Variants in MICAL2 observed in about 807,000 individuals in gnomAD.
MICAL2 encodes the protein [F-actin]-monooxygenase MICAL2.
In MICAL2, 77 loss-of-function variants were observed where a neutral mutation model predicts 127.3. That is an observed-to-expected ratio of 0.60 (90% confidence interval 0.50 to 0.73). MICAL2 has a LOEUF of 0.73. Ranked by LOEUF, MICAL2 falls within the 30% of genes least tolerant of loss-of-function variation. MICAL2 has a pLI of 0.00. For missense variants in MICAL2, 1,351 were observed against 1,434.4 expected (o/e 0.94, Z 0.94); for synonymous variants, 570 against 551.1 (o/e 1.03, Z -0.48).
At chr11:12,350,095 G>A (rs1939022192) in intron 33 of MICAL2, among the ~76,000 whole-genome samples, 2 of 152,220 alleles carry the variant, frequency 1.3e-5, no homozygotes, top group South Asian at 4.1e-4. Context: ...TATCATGCTG[G>A]CATTAGTGCA....
chr11:12,217,399 G>A (rs1338250437), intron 8 of MICAL2, among the ~76,000 whole-genome samples: 1 of 152,194 alleles, frequency 6.6e-6, no homozygotes, highest in Non-Finnish European at 1.5e-5. Flanking sequence ...GTAGACGGAG[G>A]CTGTGAATGC....
At chr11:12,294,086 A>G (rs753349145), downstream of MICAL2, 1 of 1,614,140 alleles carries the variant, frequency 6.2e-7, no homozygotes, top group Non-Finnish European at 8.5e-7. Context: ...TGAGAATGGT[A>G]GAGGAGGCCG....
At chr11:12,195,334 G>A (rs1004384478) in intron 3 of MICAL2, among the ~76,000 whole-genome samples, 1 of 152,170 alleles carries the variant, frequency 6.6e-6, no homozygotes, top group African/African-American at 2.4e-5. Context: ...TGAAATATTT[G>A]GGAGGAAATG....
intron 3 of MICAL2, among the ~76,000 whole-genome samples, chr11:12,190,048 T>C (rs533157471): frequency 2.0e-5 from 3 of 152,350 alleles, no homozygotes; most frequent in African/African-American, 7.2e-5. Context: ...CAAACCACTT[T>C]ATGGTGTAAG....
chr11:12,359,705 G>T (rs1939180823), downstream of MICAL2, among the ~76,000 whole-genome samples: 1 of 152,188 alleles, frequency 6.6e-6, no homozygotes, highest in Non-Finnish European at 1.5e-5. Flanking sequence ...AAGAAGAGAA[G>T]ATTTAATATG....
chr11:12,154,685 T>C (rs1267857073), intron 2 of MICAL2, among the ~76,000 whole-genome samples: 5 of 152,208 alleles, frequency 3.3e-5, no homozygotes, highest in Non-Finnish European at 7.3e-5. Flanking sequence ...TTCCCATGGA[T>C]TAAATGTCTT....
intron 3 of MICAL2, among the ~76,000 whole-genome samples, chr11:12,184,443 G>A (rs1857902076): frequency 6.6e-6 from 1 of 152,220 alleles, no homozygotes; most frequent in Non-Finnish European, 1.5e-5. Flanking sequence ...CGAAAATGTG[G>A]TAGTCAGCTG....
intron 1 of MICAL2, among the ~76,000 whole-genome samples, chr11:12,132,272 A>G (rs7924845): frequency 0.25 from 38,589 of 152,052 alleles, 4,936 homozygotes; most frequent in South Asian, 0.39. Context: ...GCAGGAGTGC[A>G]GGAAATGCGA....
chr11:12,216,917 TG>T (rs1856233810), intron 8 of MICAL2, among the ~76,000 whole-genome samples: 1 of 152,226 alleles, frequency 6.6e-6, no homozygotes, highest in African/African-American at 2.4e-5. Flanking sequence ...ATAGAGCACC[TG>T]GCACAGTGCC....
intron 29 of MICAL2, among the ~76,000 whole-genome samples, chr11:12,298,253 G>A (rs964944323): frequency 5.3e-5 from 8 of 151,736 alleles, no homozygotes; most frequent in Non-Finnish European, 1.0e-4. Flanking sequence ...ATTAGTTTTT[G>A]TTGCTATTGT....
At chr11:12,221,552 C>T (rs1856820160) in intron 9 of MICAL2, 92 bp from the exon 10 acceptor site, 1 of 881,296 alleles carries the variant, frequency 1.1e-6, no homozygotes, top group Non-Finnish European at 1.8e-6. Context: ...GTGCCCTGCA[C>T]AGTCCTGGCA....
At position 12,220,197 on chromosome 11, in the gene MICAL2, C is replaced by T; in HGVS notation, c.949-4C>T. On this transcript the variant is annotated splice_polypyrimidine_tract_variant and splice_region_variant and intron_variant, in intron 8 of 27. Transcript: ENST00000683283. Reference sequence around the variant, plus strand: ...TTGCTGCACCATGTTTTCATCTTCCCCAGGACTACATCGACACAGAGATGC... The same window carrying T: ...TTGCTGCACCATGTTTTCATCTTCCTCAGGACTACATCGACACAGAGATGC... The T allele has an allele frequency of 6.2e-7, 1 of 1,614,004 alleles. No homozygotes were observed. Among genetic ancestry groups the T allele is most frequent in the Non-Finnish European group, 8.5e-7 (1 of 1,179,952 alleles).
exon 3 of MICAL2, chr11:12,287,308 A>T: frequency 2.5e-6 from 1 of 393,082 alleles, no homozygotes; most frequent in Non-Finnish European, 4.5e-6. Flanking sequence ...ATAAAATATA[A>T]GCTTGACTTT....
intron 13 of MICAL2, 152 bp from the exon 14 acceptor site, chr11:12,226,019 G>T: frequency 1.4e-6 from 1 of 691,064 alleles, no homozygotes; most frequent in South Asian, 1.7e-5. Context: ...GTGAGAACTG[G>T]GAGTAGGGGC....
chr11:12,232,397 G>A (rs1353777160), intron 15 of MICAL2, among the ~76,000 whole-genome samples: 1 of 152,194 alleles, frequency 6.6e-6, no homozygotes, highest in Non-Finnish European at 1.5e-5. Flanking sequence ...GGTGGTAAAT[G>A]TCAAAGCCAG....
At chr11:12,284,924 G>A (rs753888334) in intron 2 of MICAL2, among the ~76,000 whole-genome samples, 19 of 152,170 alleles carry the variant, frequency 1.2e-4, no homozygotes, top group Non-Finnish European at 2.6e-4. Flanking sequence ...GGTTCTCCTT[G>A]CCTGCTGCCT....
At chr11:12,207,810 A>G (rs1854919420) in intron 4 of MICAL2, 15 of 493,796 alleles carry the variant, frequency 3.0e-5, no homozygotes, top group Middle Eastern at 5.3e-4. Flanking sequence ...TTTCTCATCT[A>G]CAGAATGAGA....
chr11:12,254,561 G>A (rs1028030236), intron 22 of MICAL2: 6 of 152,416 alleles, frequency 3.9e-5, no homozygotes, highest in African/African-American at 1.4e-4. Flanking sequence ...TAACTCGCAG[G>A]TTTTTGGGGC....
intron 2 of MICAL2, among the ~76,000 whole-genome samples, chr11:12,148,639 G>C (rs1853223000): frequency 6.6e-6 from 1 of 152,218 alleles, no homozygotes. Context: ...GTATCTACCA[G>C]TGGTGGTTAT....
Sources: gnomAD v4.1 joint callset for allele counts (sites outside exome capture counted in the v4.1 genomes callset) on GRCh38, gnomAD v4.1.1 for gene constraint, MANE v1.5 for transcripts, NCBI Gene and HGNC (gene_info 2026-07-23, HGNC 2026-07-21) for gene names.